Variants in CDK14 observed in about 807,000 individuals in gnomAD.
CDK14 encodes the protein cyclin dependent kinase 14.
Under a neutral mutation model 60.7 loss-of-function variants are expected in CDK14, and 34 were observed. That is an observed-to-expected ratio of 0.56 (90% CI 0.43 to 0.75). The LOEUF is 0.75. Among genes scored for constraint, CDK14 ranks in the 30% least tolerant of loss-of-function variants. CDK14 has a pLI of 0.00. For missense variants in CDK14, 482 were observed against 564.1 expected (o/e 0.85, Z 1.47); for synonymous variants, 197 against 203.7 (o/e 0.97, Z 0.28).
intron 4 of CDK14, among the ~76,000 whole-genome samples, chr7:90,780,848 T>C (rs1805285276): frequency 6.6e-6 from 1 of 151,930 alleles, no homozygotes; most frequent in African/African-American, 2.4e-5. Flanking sequence ...TTGTGAATAG[T>C]GCCGCAATAA....
intron 5 of CDK14, among the ~76,000 whole-genome samples, chr7:90,860,319 A>T (rs1418713437): frequency 6.6e-6 from 1 of 151,982 alleles, no homozygotes; most frequent in Admixed American, 6.5e-5. Context: ...TTAATAAATA[A>T]TATTTTGTAA....
chr7:91,076,927 G>A (rs1275667232), intron 11 of CDK14, among the ~76,000 whole-genome samples: 2 of 152,166 alleles, frequency 1.3e-5, no homozygotes, highest in Admixed American at 6.5e-5. Context: ...TTAGAGAATT[G>A]CAAATCAAAA....
intron 6 of CDK14, among the ~76,000 whole-genome samples, chr7:90,866,331 TTAA>T (rs1318419939): frequency 2.0e-5 from 3 of 151,488 alleles, no homozygotes; most frequent in Non-Finnish European, 4.4e-5. Flanking sequence ...TTTCTAAAAC[TTAA>T]TGATAATGTT....
chr7:91,209,019 A>C lies in CDK14; in HGVS notation c.*1883A>C, dbSNP rs890085014. The C allele has an allele frequency of 3.3e-5, 5 of 152,754 alleles. No homozygotes were observed. In the East Asian group the frequency reaches 9.7e-4, roughly 30 times the overall value. 9.5% of individuals were successfully genotyped at this position (152,754 alleles called of 1,614,324 possible). A position where few individuals can be genotyped will look rare whatever the true frequency, so the allele number is the denominator to read the frequency against. On this transcript the variant is annotated 3_prime_UTR_variant, in exon 15 of 15. Coordinates refer to ENST00000380050, the MANE Select transcript of CDK14 (RefSeq NM_001287135.2). ...AGTATACTTAAATTAGGATTTCTTA[A>C]AGAAAACATAGGGAGAAAACTTTAC...
chr7:90,911,507 G>C (rs1792900388), intron 7 of CDK14, among the ~76,000 whole-genome samples: 2 of 152,098 alleles, frequency 1.3e-5, no homozygotes, highest in African/African-American at 4.8e-5. Flanking sequence ...AGCCCTGAGA[G>C]ACCCCGCACA....
chr7:90,649,871 T>C (rs1275843612), intron 2 of CDK14, among the ~76,000 whole-genome samples: 1 of 152,192 alleles, frequency 6.6e-6, no homozygotes, highest in African/African-American at 2.4e-5. Context: ...TGATGGACAT[T>C]TGGGTTGGTT....
intron 2 of CDK14, among the ~76,000 whole-genome samples, chr7:90,630,979 C>T (rs1024761649): frequency 6.1e-4 from 91 of 149,890 alleles, no homozygotes; most frequent in African/African-American, 1.9e-3. Flanking sequence ...TTTTATATTA[C>T]ATTTTGGACT....
At chr7:90,622,310 G>T (rs146775251) in intron 2 of CDK14, among the ~76,000 whole-genome samples, 90 of 152,186 alleles carry the variant, frequency 5.9e-4, no homozygotes, top group Non-Finnish European at 1.1e-3. Flanking sequence ...GGAATATTCT[G>T]TGCACATTTA....
intron 14 of CDK14, among the ~76,000 whole-genome samples, chr7:91,174,473 C>T (rs1226032251): frequency 2.0e-5 from 3 of 151,892 alleles, no homozygotes; most frequent in Admixed American, 6.6e-5. Flanking sequence ...CTTTGACGAG[C>T]TGAGAGAAGA....
chr7:91,159,755 A>G (rs1801109243), intron 14 of CDK14, among the ~76,000 whole-genome samples: 1 of 152,190 alleles, frequency 6.6e-6, no homozygotes, highest in South Asian at 2.1e-4. Context: ...CGATGGGACC[A>G]AAACTGAGGT....
At chr7:91,060,620 GC>G (rs1797751962) in intron 11 of CDK14, among the ~76,000 whole-genome samples, 1 of 152,104 alleles carries the variant, frequency 6.6e-6, no homozygotes, top group Admixed American at 6.5e-5. Context: ...CTCAGCATTT[GC>G]CTTTCTGTAA....
At chr7:91,176,898 C>T (rs1241895676) in intron 14 of CDK14, among the ~76,000 whole-genome samples, 1 of 152,140 alleles carries the variant, frequency 6.6e-6, no homozygotes, top group African/African-American at 2.4e-5. Context: ...GAACTGGTAC[C>T]ATTCCTTCTG....
At chr7:90,790,833 G>T (rs1371492117) in intron 5 of CDK14, among the ~76,000 whole-genome samples, 181 bp downstream of exon 5, 5 of 152,188 alleles carry the variant, frequency 3.3e-5, no homozygotes, top group African/African-American at 1.2e-4. Flanking sequence ...CATGTTAAAT[G>T]AAACAAGATT....
chr7:90,976,350 C>T (rs1035563175), intron 9 of CDK14, among the ~76,000 whole-genome samples: 2 of 151,770 alleles, frequency 1.3e-5, no homozygotes, highest in South Asian at 4.2e-4. Context: ...GATCATTTGT[C>T]CCCCCGCTTT....
chr7:91,019,859 C>G (rs1474146151), intron 10 of CDK14, among the ~76,000 whole-genome samples: 1 of 152,138 alleles, frequency 6.6e-6, no homozygotes, highest in Non-Finnish European at 1.5e-5. Flanking sequence ...AACAGAAATC[C>G]AAAGAACTCT....
intron 8 of CDK14, among the ~76,000 whole-genome samples, chr7:90,939,318 T>G (rs1793846024): frequency 6.6e-6 from 1 of 152,230 alleles, no homozygotes; most frequent in African/African-American, 2.4e-5. Context: ...GTAAGATTTC[T>G]TACTGTAATT....
chr7:90,973,347 A>G (rs891338422), intron 9 of CDK14, among the ~76,000 whole-genome samples: 8 of 152,140 alleles, frequency 5.3e-5, no homozygotes, highest in East Asian at 1.9e-4. Context: ...TGCACGGGCT[A>G]TGCTGTGTCA....
intron 2 of CDK14, among the ~76,000 whole-genome samples, chr7:90,671,313 T>A (rs1436326288): frequency 2.6e-5 from 4 of 151,402 alleles, no homozygotes; most frequent in Non-Finnish European, 2.9e-5. Flanking sequence ...TTTTTTCGGG[T>A]CTTCATTACT....
At chr7:90,759,486 T>C (rs1282263943) in intron 4 of CDK14, among the ~76,000 whole-genome samples, 1 of 152,236 alleles carries the variant, frequency 6.6e-6, no homozygotes, top group Non-Finnish European at 1.5e-5. Context: ...ATTGGTGGTT[T>C]GCTTATGCAA....
Sources: allele counts gnomAD v4.1 joint callset (sites outside exome capture counted in the v4.1 genomes callset), GRCh38; gene constraint gnomAD v4.1.1; transcripts MANE v1.5; gene names NCBI Gene and HGNC (gene_info 2026-07-23, HGNC 2026-07-21).